HGS: variants seen among roughly 807,000 people sequenced by gnomAD.
HGS encodes hepatocyte growth factor-regulated tyrosine kinase substrate, also known as human growth factor-regulated tyrosine kinase substrate.
HGS carries 63 observed loss-of-function variants against 109.7 expected under a neutral mutation model. That is an observed-to-expected ratio of 0.57 (90% CI 0.47 to 0.71). The LOEUF (loss-of-function observed/expected upper bound fraction) is 0.71. Among genes scored for constraint, HGS ranks in the 30% least tolerant of loss-of-function variants. The probability of loss-of-function intolerance (pLI) is 0.00; values close to 1 mark genes in which losing one functional copy is unlikely to be tolerated. For missense variants in HGS, 995 were observed against 1,068.3 expected (o/e 0.93, Z 0.96); for synonymous variants, 546 against 437.3 (o/e 1.25, Z -3.10).
At chr17:81,695,664 C>T in intron 14 of HGS, 122 bp from the exon 15 acceptor site, 6 of 842,080 alleles carry the variant, frequency 7.1e-6, no homozygotes, top group Non-Finnish European at 1.2e-5. Flanking sequence ...GGGCTGCTTG[C>T]ATAAGGAGCA....
chr17:81,689,412 C>T (rs1455348887), intron 5 of HGS, among the ~76,000 whole-genome samples: 1 of 152,206 alleles, frequency 6.6e-6, no homozygotes, highest in Non-Finnish European at 1.5e-5. Context: ...TTAAGGGTCC[C>T]TCTCGGCCAT....
chr17:81,696,536 T>G lies in HGS; in HGVS notation c.1566+7T>G. ...AATGCGGCAGAAGAAGCAGGTGCAG[T>G]GGCTGCCCAGCCACAGGCCGGGGCC... is the stretch of plus-strand genomic sequence containing the variant. On this transcript the variant is annotated splice_region_variant and intron_variant, in intron 16 of 21. Transcript: ENST00000329138. 1.3e-6 allele frequency: 2 copies of G among 1,532,732 alleles called. No homozygotes were observed. The highest frequency in any genetic ancestry group is 1.8e-6 in the Non-Finnish European group (2 of 1,137,218). 94.9% of individuals were successfully genotyped at this position (1,532,732 alleles called of 1,614,324 possible). A position where few individuals can be genotyped will look rare whatever the true frequency, so the allele number is the denominator to read the frequency against.
chr17:81,685,591 A>G lies in HGS; in HGVS notation c.38-14A>G, dbSNP rs1218086932. 1.2e-6 allele frequency: 2 copies of G among 1,601,736 alleles called. No homozygotes were observed. The highest frequency in any genetic ancestry group is 2.3e-5 in the East Asian group (1 of 44,190). On this transcript the variant is annotated splice_polypyrimidine_tract_variant and intron_variant, in intron 1 of 21. Transcript: ENST00000329138. Reference sequence around the variant, plus strand: ...CAGGATAACCCCTCCCTTTCATGGCATTTTCTCTCTCAGACAAGGCGACCA... The same window carrying G: ...CAGGATAACCCCTCCCTTTCATGGCGTTTTCTCTCTCAGACAAGGCGACCA...
chr17:81,691,432 C>G lies in HGS; in HGVS notation c.538-15C>G. 1.2e-6 allele frequency: 2 copies of G among 1,613,550 alleles called. No homozygotes were observed. Among genetic ancestry groups the G allele is most frequent in the Non-Finnish European group, 1.7e-6 (2 of 1,179,852 alleles). ...CCCAGTGCCTGTGACCAGGCCCGCC[C>G]GCCCCATCTTACAGCACCACTGCCG... On this transcript the variant is annotated splice_polypyrimidine_tract_variant and intron_variant, in intron 7 of 21. Transcript: ENST00000329138. The surrounding 1 kb of genome is among the most constrained non-coding windows in gnomAD (Gnocchi z 5.3).
At chr17:81,700,022 C>CCAGGAT (rs1160785442) in intron 18 of HGS, among the ~76,000 whole-genome samples, 1 of 150,826 alleles carries the variant, frequency 6.6e-6, no homozygotes, top group Non-Finnish European at 1.5e-5. Context: ...TTGCAGTGAG[C>CCAGGAT]TGAGATCGCG....
At chr17:81,698,484 C>CT (rs1295176305) in intron 18 of HGS, 1 of 152,236 alleles carries the variant, frequency 6.6e-6, no homozygotes, top group Admixed American at 6.5e-5. Context: ...AGTGGCTTCT[C>CT]TGTTGCGTAG....
intron 7 of HGS, 88 bp downstream of exon 7, chr17:81,690,830 C>T: frequency 8.3e-7 from 1 of 1,198,700 alleles, no homozygotes; most frequent in Non-Finnish European, 1.2e-6. Context: ...CTGGGCCTTT[C>T]CTTCCTGGTG....
Position 81,694,738 on chromosome 17 carries a change from G to A in HGS, c.937-77G>A, listed in dbSNP as rs142975672. 4.9e-4 allele frequency: 763 copies of A among 1,572,604 alleles called. 4 individuals are homozygous for A. The Middle Eastern group carries it at 6.8e-3, about 14-fold the overall frequency. ...GCGGCTCTGGTCTCCAGGATCTGTC[G>A]CACTGGGGACATCCCTGTCCCTGCC... On this transcript the variant is annotated intron_variant, in intron 11 of 21. Transcript: ENST00000329138.
chr17:81,697,055 G>T, intron 18 of HGS, 57 bp downstream of exon 18: 15 of 1,475,636 alleles, frequency 1.0e-5, no homozygotes, highest in Non-Finnish European at 1.4e-5. Flanking sequence ...TATTTTAGCC[G>T]AATTTACAGA....
At chr17:81,701,203 C>T (rs1447672973) in intron 21 of HGS, 72 bp downstream of exon 21, 8 of 1,352,778 alleles carry the variant, frequency 5.9e-6, no homozygotes, top group Non-Finnish European at 8.4e-6. Context: ...GCAATGGGAC[C>T]CCTGGCCCCA....
In HGS at chr17:81,690,203, A is replaced by G. The variant is rs761622282; in HGVS notation, c.437A>G (p.Lys146Arg). 3 of 1,613,830 alleles carry G rather than the reference A, an allele frequency of 1.9e-6. No homozygotes were observed. The highest frequency in any genetic ancestry group is 1.7e-5 in the Admixed American group (1 of 60,000). Residue 146 changes from lysine to arginine, a missense_variant, in exon 6 of 22, where the codon AAA becomes AGA. Physicochemically the swap from Lys to Arg is conservative, Grantham distance 26 (BLOSUM62 2). Around this residue, in one of 6 missense-constraint regions of HGS, gnomAD observed 182 missense variants for 261.3 expected, o/e 0.70. Coordinates refer to ENST00000329138, the MANE Select transcript of HGS (RefSeq NM_004712.5). ...KVEGHVFPEFKESDAMFAAER... is the reference protein window; with the variant it reads ...KVEGHVFPEFRESDAMFAAER... ...CCAGGGCACGTCTTTCCAGAATTCA[A>G]AGAGAGCGATGCCATGTTTGCTGCC...
Position 81,701,903 on chromosome 17 carries a change from G to T in HGS, c.*285G>T. 1 of 321,210 alleles carries T rather than the reference G, an allele frequency of 3.1e-6. No homozygotes were observed. 19.9% of individuals were successfully genotyped at this position (321,210 alleles called of 1,614,324 possible). ...GGGTCATGGTCTGTGAGAGGTGGCA[G>T]GAATGGGGACCCTCACCCCCCAAGC... is the stretch of plus-strand genomic sequence containing the variant. On this transcript the variant is annotated 3_prime_UTR_variant, in exon 22 of 22. Transcript: ENST00000329138.
Position 81,695,749 on chromosome 17 carries a change from G to A in HGS, c.1180-37G>A, listed in dbSNP as rs376802157. The A allele has an allele frequency of 4.1e-5, 65 of 1,600,872 alleles. No homozygotes were observed. In the African/African-American group the frequency reaches 5.0e-4, roughly 12 times the overall value. On this transcript the variant is annotated intron_variant, in intron 14 of 21. Transcript: ENST00000329138. ...CCCCACCAGGGAGGCTGGCTGGGGCGTGGCCGCACTCATCCAGAACCCTGC... is the reference window on the plus strand; with the variant it reads ...CCCCACCAGGGAGGCTGGCTGGGGCATGGCCGCACTCATCCAGAACCCTGC...
chr17:81,701,088 C>G lies in HGS; in HGVS notation c.2180C>G (p.Pro727Arg). ...CCAAGCCAGGATGCGTCTCTGCCACCCCAGCAGCCCTACATCGCGGGGCAG... is the reference window on the plus strand; with the variant it reads ...CCAAGCCAGGATGCGTCTCTGCCACGCCAGCAGCCCTACATCGCGGGGCAG... Reference protein sequence around the residue: ...TLPSQDASLPPQQPYIAGQQP... With the variant: ...TLPSQDASLPRQQPYIAGQQP... The change falls in exon 21 of 22, where the codon CCC becomes CGC. Residue 727 changes from proline (P) to arginine (R), a missense_variant. Coordinates refer to ENST00000329138, the MANE Select transcript of HGS (RefSeq NM_004712.5). 6 of 1,614,090 alleles carry G rather than the reference C, an allele frequency of 3.7e-6. No homozygotes were observed. The highest frequency in any genetic ancestry group is 5.1e-6 in the Non-Finnish European group (6 of 1,180,040).
intron 18 of HGS, chr17:81,697,255 C>G (rs1329218336): frequency 2.4e-6 from 1 of 408,730 alleles, no homozygotes; most frequent in African/African-American, 2.0e-5. Flanking sequence ...CCAGCAGGTG[C>G]TGGGCTGCCG....
At position 81,691,436 on chromosome 17, in the gene HGS, C is replaced by T. The variant is rs766887669; in HGVS notation, c.538-11C>T. ...GTGCCTGTGACCAGGCCCGCCCGCC[C>T]CATCTTACAGCACCACTGCCGGGCG... is the stretch of plus-strand genomic sequence containing the variant. On this transcript the variant is annotated splice_polypyrimidine_tract_variant and intron_variant, in intron 7 of 21. Transcript: ENST00000329138. The surrounding 1 kb of genome is among the most constrained non-coding windows in gnomAD (Gnocchi z 5.3). 3 of 1,613,776 alleles carry T rather than the reference C, an allele frequency of 1.9e-6. No homozygotes were observed. Among genetic ancestry groups the T allele is most frequent in the Non-Finnish European group, 1.7e-6 (2 of 1,179,908 alleles).
chr17:81,690,484 G>T, intron 6 of HGS, 190 bp from the exon 7 acceptor site: 1 of 630,538 alleles, frequency 1.6e-6, no homozygotes, highest in South Asian at 2.0e-5. Flanking sequence ...GATGAGGAAG[G>T]AAGTCCCTTC....
intron 1 of HGS, chr17:81,684,820 A>T (rs2036947104): frequency 2.4e-6 from 2 of 828,306 alleles, no homozygotes; most frequent in Non-Finnish European, 1.5e-6. Flanking sequence ...TAGGGTTTTC[A>T]AGGAGACTTC....
intron 5 of HGS, among the ~76,000 whole-genome samples, chr17:81,689,344 C>T (rs961583941): frequency 1.3e-5 from 2 of 152,210 alleles, no homozygotes; most frequent in East Asian, 1.9e-4. Context: ...TTGCTGTCAG[C>T]GCAGCAGGAG....
Sources: allele counts gnomAD v4.1 joint callset (sites outside exome capture counted in the v4.1 genomes callset), GRCh38; gene constraint gnomAD v4.1.1; regional missense constraint gnomAD v4.1.1; non-coding constraint Gnocchi (gnomAD v3.1); transcripts MANE v1.5; gene names NCBI Gene and HGNC (gene_info 2026-07-23, HGNC 2026-07-21).